Variants in SSX5 observed in about 807,000 individuals in gnomAD.
SSX5 encodes the protein protein SSX5.
SSX5 carries 14 observed loss-of-function variants against 14.9 expected under a neutral mutation model. The ratio of observed to expected loss-of-function variants is 0.94; its 90% CI spans 0.62 to 1.47. SSX5 has a LOEUF of 1.47. Ranked by LOEUF, SSX5 falls within the 40% of genes most tolerant of loss-of-function variation. The pLI is 0.00. For synonymous variants in SSX5, 70 were observed against 55.4 expected, an observed-to-expected ratio of 1.26 and a Z score of -1.17; for missense variants, 204 against 154.6, an observed-to-expected ratio of 1.32 and a Z score of -1.70.
intron 6 of SSX5, among the ~76,000 whole-genome samples, chrX:48,189,340 T>A (rs1305011568): frequency 8.9e-6 from 1 of 112,074 alleles, no homozygotes; most frequent in Non-Finnish European, 1.9e-5. Flanking sequence ...TCCAAAAGCA[T>A]CACATACTAC....
intron 4 of SSX5, 171 bp from the exon 5 acceptor site, chrX:48,192,452 C>T (rs2146571499): frequency 1.3e-6 from 1 of 759,499 alleles, no homozygotes; most frequent in African/African-American, 2.1e-5. Flanking sequence ...GTGCATTTAT[C>T]TGTGGCATCA....
At chrX:48,194,413 CAA>C (rs5902411) in intron 3 of SSX5, among the ~76,000 whole-genome samples, 189 bp from the exon 4 acceptor site, 123 of 96,425 alleles carry the variant, frequency 1.3e-3, no homozygotes, top group East Asian at 2.9e-3. Flanking sequence ...GACTCTAAGT[CAA>C]AAAAAAAAAA....
intron 6 of SSX5, among the ~76,000 whole-genome samples, chrX:48,188,819 T>G (rs1300126543): frequency 2.7e-5 from 3 of 112,309 alleles, no homozygotes; most frequent in Non-Finnish European, 3.8e-5. Flanking sequence ...TTGAAGGAAG[T>G]AATAGTATAT....
rs376562724 is a variant in SSX5 at position 48,187,760 on chromosome X, G to A, written c.467-29C>T. 4.9e-5 allele frequency: 58 copies of A among 1,194,971 alleles called. No individual in the cohort carries two copies. The African/African-American group carries it at 9.0e-4, about 18-fold the overall frequency. The stretch of plus-strand genomic sequence containing the variant: ...TGATGGAGAAGAGTTGGAAGATGAG[G>A]GTTGGGTAGATTGGAGAGGGTTGGG... On this transcript the variant is annotated intron_variant, in intron 6 of 7. Transcript: ENST00000347757.
chrX:48,193,701 A>T (rs1372293061), intron 4 of SSX5, among the ~76,000 whole-genome samples: 3 of 110,430 alleles, frequency 2.7e-5, no homozygotes, highest in Middle Eastern at 4.6e-3. Context: ...GTGAGCTGAG[A>T]TTGCCTTACT....
intron 6 of SSX5, among the ~76,000 whole-genome samples, chrX:48,189,028 A>C (rs2146567973): frequency 8.9e-6 from 1 of 112,056 alleles, no homozygotes; most frequent in Admixed American, 9.5e-5. Flanking sequence ...ATTCTGAGAG[A>C]GGTGAAGAAG....
At position 48,192,094 on chromosome X, in the gene SSX5, G is replaced by A. The variant is rs1388207437; in HGVS notation, c.330+138C>T. 17 of 996,672 alleles carry A rather than the reference G, an allele frequency of 1.7e-5. No homozygotes were observed. In the African/African-American group the frequency reaches 2.5e-4, roughly 14 times the overall value. 82.1% of individuals were successfully genotyped at this position (996,672 alleles called of 1,213,427 possible). On this transcript the variant is annotated intron_variant, in intron 5 of 7. Transcript: ENST00000347757. ...CAACTGTTAGTATTAGCAAGCCGTC[G>A]GTGCTACATCAGGTGTTGTGATAGA... is the stretch of plus-strand genomic sequence containing the variant.
intron 5 of SSX5, among the ~76,000 whole-genome samples, chrX:48,191,771 C>A (rs1208135781): frequency 8.9e-6 from 1 of 112,245 alleles, no homozygotes; most frequent in African/African-American, 3.2e-5. Flanking sequence ...AATTCTTTAA[C>A]ATCTCTATAC....
At position 48,186,561 on chromosome X, in the gene SSX5, C is replaced by T; in HGVS notation, c.*300G>A. 1 of 437,260 alleles carries T rather than the reference C, an allele frequency of 2.3e-6. No individual in the cohort carries two copies. Among genetic ancestry groups the T allele is most frequent in the Non-Finnish European group, 4.0e-6 (1 of 249,750 alleles). 36.0% of individuals were successfully genotyped at this position (437,260 alleles called of 1,213,427 possible). On this transcript the variant is annotated 3_prime_UTR_variant, in exon 8 of 8. Transcript: ENST00000347757. ...TCTATGCAGAGAATACCTGACGATACTTGTTTTCTGAGGTAGGTGCATGGA... is the reference window on the plus strand; with the variant it reads ...TCTATGCAGAGAATACCTGACGATATTTGTTTTCTGAGGTAGGTGCATGGA...
intron 6 of SSX5, among the ~76,000 whole-genome samples, 192 bp downstream of exon 6, chrX:48,189,941 G>GT (rs1303207390): frequency 5.4e-5 from 6 of 111,685 alleles, no homozygotes; most frequent in African/African-American, 2.0e-4. Flanking sequence ...AAGTCACGTG[G>GT]TTTTTTTATA....
intron 6 of SSX5, among the ~76,000 whole-genome samples, chrX:48,189,344 A>G (rs2059411145): frequency 8.9e-6 from 1 of 112,203 alleles, no homozygotes; most frequent in Non-Finnish European, 1.9e-5. Flanking sequence ...AAAGCATCAC[A>G]TACTACAGAG....
chrX:48,186,796 A>G lies in SSX5; in HGVS notation c.*65T>C. On this transcript the variant is annotated 3_prime_UTR_variant, in exon 8 of 8. Coordinates refer to ENST00000347757, the MANE Select transcript of SSX5 (RefSeq NM_175723.2). ...TGACGAGGGATCCGCAGCCATGCCC[A>G]TGTTCGTGAAAGGTCACCACGTTCT... is the stretch of plus-strand genomic sequence containing the variant. The G allele has an allele frequency of 2.0e-5, 24 of 1,197,963 alleles. No individual in the cohort carries two copies. The highest frequency in any genetic ancestry group is 2.5e-5 in the Non-Finnish European group (22 of 895,126).
rs1556924549 is a variant in SSX5, at chrX:48,190,283, G to C, written c.331-15C>G. 5.1e-6 allele frequency: 6 copies of C among 1,186,306 alleles called. No individual in the cohort carries two copies. Among genetic ancestry groups the C allele is most frequent in the Non-Finnish European group, 6.8e-6 (6 of 885,194 alleles). ...TCGGGCGTGATCTTTATAATGTGAAGGTCACAGATAAACAGTATCAGTGAC... is the reference window on the plus strand; with the variant it reads ...TCGGGCGTGATCTTTATAATGTGAACGTCACAGATAAACAGTATCAGTGAC... On this transcript the variant is annotated splice_polypyrimidine_tract_variant and intron_variant, in intron 5 of 7. Coordinates refer to ENST00000347757, the MANE Select transcript of SSX5 (RefSeq NM_175723.2).
intron 6 of SSX5, among the ~76,000 whole-genome samples, chrX:48,189,823 C>A (rs1383056503): frequency 1.8e-4 from 20 of 111,945 alleles, no homozygotes; most frequent in Non-Finnish European, 3.2e-4. Flanking sequence ...TGTCATCAGG[C>A]CTTCTAGACT....
intron 3 of SSX5, among the ~76,000 whole-genome samples, chrX:48,194,481 A>G (rs189832492): frequency 9.1e-6 from 1 of 110,001 alleles, no homozygotes; most frequent in African/African-American, 3.3e-5. Flanking sequence ...GCCAGATGCC[A>G]CAGAGACAGT....
intron 1 of SSX5, 117 bp from the exon 2 acceptor site, chrX:48,195,495 T>A: frequency 1.3e-6 from 1 of 752,080 alleles, no homozygotes; most frequent in East Asian, 3.2e-5. Context: ...CATTTCTCCA[T>A]CCGTGGCTTA....
rs377700015 is a variant in SSX5, at chrX:48,190,198, T to C, written c.401A>G (p.Asn134Ser). ...KGVPEASGPQ[N>S]NGKQLRPSGK... ...TGAGGGGCGCAGCTGTTTCCCATTG[T>C]TCTGTGGGCCAGATGCTTCTGGCAC... The change falls in exon 6 of 8, where the codon AAC becomes AGC. Residue 134 changes from asparagine to serine, a missense_variant. Asn to Ser is a conservative substitution (Grantham distance 46). Transcript: ENST00000347757. 2.5e-6 allele frequency: 3 copies of C among 1,208,436 alleles called. No homozygotes were observed. Among genetic ancestry groups the C allele is most frequent in the Non-Finnish European group, 3.4e-6 (3 of 894,556 alleles).
intron 4 of SSX5, chrX:48,192,490 T>C (rs2059424135): frequency 1.3e-5 from 7 of 532,463 alleles, no homozygotes; most frequent in Non-Finnish European, 1.3e-5. Flanking sequence ...TCATGGTTTA[T>C]CACATGGGGA....
rs781917705 is a variant in SSX5 at position 48,190,157 on chromosome X, A to C, written c.442T>G (p.Ser148Ala). 2.5e-6 allele frequency: 3 copies of C among 1,208,415 alleles called. No individual in the cohort carries two copies. Among genetic ancestry groups the C allele is most frequent in the Non-Finnish European group, 2.2e-6 (2 of 894,639 alleles). ...QLRPSGKLNT[S>A]EKVNKTSGPK... ...CCAGATGTCTTGTTAACCTTCTCAG[A>C]GGTATTTAGTTTTCCTGAGGGGCGC... The change falls in exon 6 of 8, where the codon TCT becomes GCT. Residue 148 changes from serine (S) to alanine (A), a missense_variant. By Grantham distance (99) the Ser-to-Ala change is moderately conservative. Coordinates refer to ENST00000347757, the MANE Select transcript of SSX5 (RefSeq NM_175723.2).
Sources: allele counts gnomAD v4.1 joint callset (sites outside exome capture counted in the v4.1 genomes callset), GRCh38; gene constraint gnomAD v4.1.1; transcripts MANE v1.5; gene names NCBI Gene and HGNC (gene_info 2026-07-23, HGNC 2026-07-21).